The following TRIO variants were observed in gnomAD, a reference collection of about 807,000 sequenced individuals.
TRIO encodes the protein trio Rho guanine nucleotide exchange factor, also known as triple functional domain protein.
A neutral mutation model predicts 351.9 loss-of-function variants in TRIO; 58 were observed. That is an observed-to-expected ratio of 0.16 (90% CI 0.13 to 0.21). TRIO has a LOEUF of 0.21. Among genes scored for constraint, TRIO ranks in the 10% least tolerant of loss-of-function variants. TRIO has a pLI of 1.00. For synonymous variants in TRIO, 1,758 were observed against 1,595.7 expected, an observed-to-expected ratio of 1.10 and a Z score of -2.42; for missense variants, 3,201 against 4,027.8, an observed-to-expected ratio of 0.79 and a Z score of 5.56.
intron 1 of TRIO, among the ~76,000 whole-genome samples, chr5:14,145,417 A>G (rs886762311): frequency 3.3e-5 from 5 of 152,054 alleles, no homozygotes; most frequent in Admixed American, 6.6e-5. Flanking sequence ...TCTACTCCCC[A>G]GTGCTCACTC....
At chr5:14,283,856 T>C (rs1362931841) in intron 3 of TRIO, among the ~76,000 whole-genome samples, 7 of 151,694 alleles carry the variant, frequency 4.6e-5, no homozygotes, top group African/African-American at 1.7e-4. Flanking sequence ...GTAGGAGAAA[T>C]AAGAAGCAGC....
At chr5:14,483,894 C>A (rs1417565980) in intron 46 of TRIO, among the ~76,000 whole-genome samples, 1 of 152,142 alleles carries the variant, frequency 6.6e-6, no homozygotes, top group African/African-American at 2.4e-5. Flanking sequence ...CGGCAGCCAT[C>A]ATCTGAACTG....
At chr5:14,160,251 AG>A (rs1332443918) in intron 1 of TRIO, among the ~76,000 whole-genome samples, 1 of 152,206 alleles carries the variant, frequency 6.6e-6, no homozygotes, top group Non-Finnish European at 1.5e-5. Flanking sequence ...AAGGGACCAG[AG>A]GTCTGTCAGA....
At chr5:14,240,506 G>A (rs1293936680) in intron 1 of TRIO, among the ~76,000 whole-genome samples, 1 of 152,050 alleles carries the variant, frequency 6.6e-6, no homozygotes, top group Non-Finnish European at 1.5e-5. Flanking sequence ...TCTTTCCCTT[G>A]TGGTGAACAG....
At chr5:14,389,571 A>G (rs1746867892) in intron 25 of TRIO, among the ~76,000 whole-genome samples, 173 bp downstream of exon 25, 1 of 152,234 alleles carries the variant, frequency 6.6e-6, no homozygotes, top group Non-Finnish European at 1.5e-5. Context: ...AATTCTTTTA[A>G]TACAGACTCA....
chr5:14,351,546 C>T (rs1743113934), intron 11 of TRIO, among the ~76,000 whole-genome samples: 1 of 152,230 alleles, frequency 6.6e-6, no homozygotes, highest in Non-Finnish European at 1.5e-5. Flanking sequence ...CCAATGGCAA[C>T]AGCTTCTGTT....
intron 2 of TRIO, 26 bp from the exon 3 acceptor site, chr5:14,280,296 G>A (rs1377853411): frequency 1.9e-6 from 3 of 1,589,828 alleles, no homozygotes; most frequent in African/African-American, 1.3e-5. Flanking sequence ...TTGTGTCTAA[G>A]TGTATTCCTA....
intron 33 of TRIO, among the ~76,000 whole-genome samples, chr5:14,413,022 ATT>A (rs1749331867): frequency 6.6e-6 from 1 of 152,198 alleles, no homozygotes; most frequent in Admixed American, 6.5e-5. Context: ...CTGAATAAAT[ATT>A]CAGTTTCTGT....
chr5:14,246,910 T>TGCA (rs1240937076), intron 1 of TRIO, among the ~76,000 whole-genome samples: 4 of 152,188 alleles, frequency 2.6e-5, no homozygotes, highest in Non-Finnish European at 5.9e-5. Flanking sequence ...CCCTTCAGAG[T>TGCA]GCACCCTGGA....
chr5:14,287,762 A>G (rs1199139695), intron 4 of TRIO, among the ~76,000 whole-genome samples: 4 of 152,232 alleles, frequency 2.6e-5, no homozygotes, highest in Admixed American at 2.6e-4. Context: ...ATGAAACTTG[A>G]TTCTTGCTCC....
chr5:14,340,858 A>C (rs1311753340), intron 11 of TRIO, among the ~76,000 whole-genome samples: 1 of 152,130 alleles, frequency 6.6e-6, no homozygotes, highest in Admixed American at 6.5e-5. Flanking sequence ...CTAGGGGACA[A>C]ATATTTTCTA....
chr5:14,429,388 C>T (rs753319587), intron 34 of TRIO, among the ~76,000 whole-genome samples: 1 of 152,138 alleles, frequency 6.6e-6, no homozygotes, highest in Non-Finnish European at 1.5e-5. Context: ...ATATTGTACT[C>T]CTTGGGCTGA....
chr5:14,262,311 T>G, intron 1 of TRIO, among the ~76,000 whole-genome samples: 2 of 147,112 alleles, frequency 1.4e-5, no homozygotes, highest in Admixed American at 6.8e-5. Flanking sequence ...AGAAGAGGTG[T>G]GTGTTGGGGG....
chr5:14,288,017 T>A (rs1736590650), intron 4 of TRIO, among the ~76,000 whole-genome samples: 1 of 152,198 alleles, frequency 6.6e-6, no homozygotes, highest in Non-Finnish European at 1.5e-5. Flanking sequence ...ATAGTACTCA[T>A]TTTTCTATCC....
intron 53 of TRIO, among the ~76,000 whole-genome samples, chr5:14,499,787 C>T (rs781730466): frequency 2.6e-5 from 4 of 151,920 alleles, no homozygotes; most frequent in Non-Finnish European, 5.9e-5. Context: ...CGTAGTGGCT[C>T]ACACCTGTAA....
At chr5:14,291,334 A>G (rs190388176) in intron 5 of TRIO, 106 bp downstream of exon 5, 159 of 1,199,706 alleles carry the variant, frequency 1.3e-4, no homozygotes, top group Non-Finnish European at 1.8e-4. Flanking sequence ...GGCTATACTC[A>G]CCGTGTGTGC....
chr5:14,479,162 T>A, intron 41 of TRIO, 99 bp from the exon 42 acceptor site: 1 of 986,362 alleles, frequency 1.0e-6, no homozygotes, highest in South Asian at 1.3e-5. Flanking sequence ...GGTTTTAAGA[T>A]GAGTGCCTTT....
At chr5:14,460,896 C>G in intron 34 of TRIO, 123 bp from the exon 35 acceptor site, 2 of 1,200,360 alleles carry the variant, frequency 1.7e-6, no homozygotes, top group Non-Finnish European at 1.1e-6. Context: ...ACCCCGTAGG[C>G]AAAGCCCGCT....
intron 7 of TRIO, among the ~76,000 whole-genome samples, chr5:14,299,095 A>G (rs1737633545): frequency 6.6e-6 from 1 of 152,208 alleles, no homozygotes. Context: ...GAGATTAATT[A>G]CCACTGTGAC....
Sources: gnomAD v4.1 joint callset for allele counts (sites outside exome capture counted in the v4.1 genomes callset) on GRCh38, gnomAD v4.1.1 for gene constraint, MANE v1.5 for transcripts, NCBI Gene and HGNC (gene_info 2026-07-23, HGNC 2026-07-21) for gene names.